STAM: variants seen among roughly 807,000 people sequenced by gnomAD.
STAM encodes the protein signal transducing adapter molecule 1.
In STAM, 16 loss-of-function variants were observed where a neutral mutation model predicts 63.4. That is an observed-to-expected ratio of 0.25 (90% confidence interval 0.17 to 0.38). The LOEUF is 0.38. STAM is among the 10% of genes least tolerant of loss of function. STAM has a pLI of 1.00. For missense variants in STAM, 636 were observed against 657.1 expected, an observed-to-expected ratio of 0.97 and a Z score of 0.35; for synonymous variants, 238 against 223.9, an observed-to-expected ratio of 1.06 and a Z score of -0.56.
chr10:17,684,937 A>G lies in STAM; in HGVS notation c.297+10A>G, dbSNP rs552546708. On this transcript the variant is annotated intron_variant, in intron 4 of 13. Transcript: ENST00000377524. ...CAACGTATTAAATAAGGTAAGGAGC[A>G]TTATTTCCAGAAATTAATTAAGGCA... is the stretch of plus-strand genomic sequence containing the variant. 9 of 1,591,770 alleles carry G rather than the reference A, an allele frequency of 5.7e-6. No individual in the cohort carries two copies. The South Asian group carries it at 9.0e-5, about 16-fold the overall frequency.
At chr10:17,671,329 A>C (rs1364859759) in intron 2 of STAM, among the ~76,000 whole-genome samples, 1 of 152,370 alleles carries the variant, frequency 6.6e-6, no homozygotes, top group Non-Finnish European at 1.5e-5. Flanking sequence ...AAAAGCAAAG[A>C]TAAAAAATGA....
intron 6 of STAM, chr10:17,694,794 A>G (rs1167902198): frequency 3.0e-6 from 1 of 332,874 alleles, no homozygotes; most frequent in Non-Finnish European, 5.4e-6. Flanking sequence ...TACCCAGAAT[A>G]ATTTACATTG....
At chr10:17,688,461 G>GT (rs1835385959) in intron 5 of STAM, among the ~76,000 whole-genome samples, 1 of 151,974 alleles carries the variant, frequency 6.6e-6, no homozygotes, top group East Asian at 1.9e-4. Flanking sequence ...TTTTGGTATA[G>GT]TTTTTGTTTG....
intron 9 of STAM, among the ~76,000 whole-genome samples, chr10:17,701,440 T>A (rs1382399776): frequency 4.6e-5 from 7 of 152,196 alleles, no homozygotes; most frequent in Admixed American, 2.0e-4. Flanking sequence ...GGCAAACTCT[T>A]AGGCCAAATT....
intron 5 of STAM, among the ~76,000 whole-genome samples, chr10:17,692,192 G>A (rs1038905083): frequency 3.9e-5 from 6 of 152,076 alleles, no homozygotes; most frequent in Non-Finnish European, 7.4e-5. Context: ...GTAGATCTGG[G>A]ATTTGAACTC....
At chr10:17,662,374 T>G (rs1554822986) in intron 2 of STAM, among the ~76,000 whole-genome samples, 1 of 152,202 alleles carries the variant, frequency 6.6e-6, no homozygotes, top group Non-Finnish European at 1.5e-5. Context: ...TCAGACCCAA[T>G]GTAGATACCA....
At chr10:17,676,790 T>C (rs782808693) in intron 2 of STAM, among the ~76,000 whole-genome samples, 22 of 152,328 alleles carry the variant, frequency 1.4e-4, no homozygotes, top group African/African-American at 5.3e-4. Flanking sequence ...GGAAGGATAA[T>C]AGCCAGAAGT....
chr10:17,644,186 T>C lies in STAM; in HGVS notation c.-154T>C. On this transcript the variant is annotated 5_prime_UTR_variant, in exon 1 of 14. Coordinates refer to ENST00000377524, the MANE Select transcript of STAM (RefSeq NM_003473.4). ...GCCGCCGCCGCAGCTGCTGCCGCGGTTGGTGGGGTTGGGTGAGAGGAGGAG... is the reference window on the plus strand; with the variant it reads ...GCCGCCGCCGCAGCTGCTGCCGCGGCTGGTGGGGTTGGGTGAGAGGAGGAG... 1.4e-6 allele frequency: 1 copy of C among 732,452 alleles called. No individual in the cohort carries two copies. Among genetic ancestry groups the C allele is most frequent in the Admixed American group, 2.4e-5 (1 of 41,562 alleles). 45.4% of individuals were successfully genotyped at this position (732,452 alleles called of 1,614,324 possible).
chr10:17,657,519 A>G (rs1833988534), intron 1 of STAM, among the ~76,000 whole-genome samples: 4 of 152,232 alleles, frequency 2.6e-5, no homozygotes, highest in Admixed American at 1.3e-4. Flanking sequence ...TATATACTGC[A>G]AGAGATTACA....
chr10:17,688,034 C>G lies in STAM; in HGVS notation c.305C>G (p.Pro102Arg). 1.3e-6 allele frequency: 2 copies of G among 1,589,956 alleles called. No individual in the cohort carries two copies. The highest frequency in any genetic ancestry group is 1.8e-5 in the Admixed American group (1 of 55,742). The change falls in exon 5 of 14, where the codon CCT becomes CGT. Residue 102 changes from proline (P) to arginine (R), a missense_variant. Pro to Arg is a moderately radical substitution (Grantham distance 103). This residue lies in a region of STAM where 532 missense variants were observed against 536.9 expected (regional missense o/e 0.99). Coordinates refer to ENST00000377524, the MANE Select transcript of STAM (RefSeq NM_003473.4). ...EVSNVLNKGH[P>R]KVCEKLKALM... ...TCTTTTTCTATTTTACAGGGTCATC[C>G]TAAAGTATGTGAAAAATTAAAGGCT...
intron 2 of STAM, among the ~76,000 whole-genome samples, chr10:17,684,123 C>G (rs1210996487): frequency 6.6e-6 from 1 of 152,150 alleles, no homozygotes; most frequent in Non-Finnish European, 1.5e-5. Context: ...CACTTTTTGA[C>G]CAGTTTCATG....
In STAM at chr10:17,676,717, G is replaced by A. The variant is rs1834871357; in HGVS notation, c.126-7958G>A. On this transcript the variant is annotated intron_variant, in intron 2 of 13. Coordinates refer to ENST00000377524, the MANE Select transcript of STAM (RefSeq NM_003473.4). ...TAACACCATCTTTCACTCGCGAAAGGGTACTGCCATAGAGAATGAATTATA... is the reference window on the plus strand; with the variant it reads ...TAACACCATCTTTCACTCGCGAAAGAGTACTGCCATAGAGAATGAATTATA... Among the ~76,000 whole-genome samples, 4 of 152,020 alleles carry A rather than the reference G, an allele frequency of 2.6e-5. No individual in the cohort carries two copies. In the South Asian group the frequency reaches 6.2e-4, roughly 24 times the overall value.
chr10:17,707,696 G>C (rs1554829488), intron 12 of STAM, among the ~76,000 whole-genome samples: 1 of 152,104 alleles, frequency 6.6e-6, no homozygotes, highest in Non-Finnish European at 1.5e-5. Context: ...TTATAATGAA[G>C]ACCCTTTGGA....
intron 2 of STAM, among the ~76,000 whole-genome samples, chr10:17,678,036 T>A (rs1554824841): frequency 6.6e-6 from 1 of 152,214 alleles, no homozygotes; most frequent in African/African-American, 2.4e-5. Flanking sequence ...CAGTGGGTTT[T>A]AATATGTTCA....
chr10:17,692,261 A>G lies in STAM; in HGVS notation c.445-961A>G, dbSNP rs1835571844. On this transcript the variant is annotated intron_variant, in intron 5 of 13. Coordinates refer to ENST00000377524, the MANE Select transcript of STAM (RefSeq NM_003473.4). ...CCACTCATATCGCAGTACCTTGTTT[A>G]AAGGTGTTATCATAATAACAAACAA... Among the ~76,000 whole-genome samples the G allele has an allele frequency of 2.0e-5, 3 of 152,224 alleles. No homozygotes were observed. The South Asian group carries it at 6.2e-4, about 31-fold the overall frequency.
At chr10:17,685,026 G>T (rs1835239149) in intron 4 of STAM, 99 bp downstream of exon 4, 7 of 947,100 alleles carry the variant, frequency 7.4e-6, no homozygotes, top group Non-Finnish European at 1.1e-5. Flanking sequence ...TGCTTTTTAA[G>T]AAATCCTTTC....
chr10:17,683,944 T>C (rs1331548746), intron 2 of STAM, among the ~76,000 whole-genome samples: 5 of 152,252 alleles, frequency 3.3e-5, no homozygotes, highest in African/African-American at 1.2e-4. Context: ...TACATTCGTC[T>C]GTGGCTTATG....
intron 4 of STAM, among the ~76,000 whole-genome samples, chr10:17,686,197 T>C (rs1554826066): frequency 6.6e-6 from 1 of 152,200 alleles, no homozygotes; most frequent in Non-Finnish European, 1.5e-5. Flanking sequence ...TACAACTGTT[T>C]ATGAAGAGAT....
rs1833812671 is a variant in STAM at position 17,653,321 on chromosome 10, C to T, written c.41-7143C>T. On this transcript the variant is annotated intron_variant, in intron 1 of 13. Transcript: ENST00000377524. ...TGGAAACAAGCTATTTGTGAAAATG[C>T]TTTGTGATGTGTGGATTCATCTCAC... 4.6e-5 allele frequency among the ~76,000 whole-genome samples: 7 copies of T among 152,204 alleles called. 1 individual carries two copies. In the South Asian group the frequency reaches 1.4e-3, roughly 31 times the overall value.
Sources: allele counts gnomAD v4.1 joint callset (sites outside exome capture counted in the v4.1 genomes callset), GRCh38; gene constraint gnomAD v4.1.1; regional missense constraint gnomAD v4.1.1; transcripts MANE v1.5; gene names NCBI Gene and HGNC (gene_info 2026-07-23, HGNC 2026-07-21).